Variants in PLN observed in about 807,000 individuals in gnomAD.
PLN encodes the protein cardiac phospholamban.
Under a neutral mutation model 3.9 loss-of-function variants are expected in PLN, and 1 was observed. The observed-to-expected ratio is 0.26, with a 90% CI of 0.09 to 1.23. The LOEUF (loss-of-function observed/expected upper bound fraction) is 1.23, where lower values mean the gene tolerates loss of function less well. Among genes scored for constraint, PLN ranks in the 50% most tolerant of loss-of-function variants. The pLI is 0.48. For synonymous variants in PLN, 21 were observed against 20.5 expected (o/e 1.02, Z -0.07); for missense variants, 59 against 62.7 (o/e 0.94, Z 0.20).
chr6:118,556,625 G>A (rs926923582), intron 1 of PLN, among the ~76,000 whole-genome samples: 1 of 152,106 alleles, frequency 6.6e-6, no homozygotes, highest in Non-Finnish European at 1.5e-5. Context: ...AGGTTGAGAT[G>A]GGCTTTTATG....
chr6:118,556,962 T>C lies in PLN; in HGVS notation c.-97-1863T>C, dbSNP rs556317334. The stretch of plus-strand genomic sequence containing the variant: ...AAAGTATAGGCCCCACAGGCAGCAA[T>C]AGCTTGTGGGATCTCTGAAAGAAGG... On this transcript the variant is annotated intron_variant, in intron 1 of 1. Transcript: ENST00000357525. Among the ~76,000 whole-genome samples, 42 of 152,230 alleles carry C rather than the reference T, an allele frequency of 2.8e-4. No individual in the cohort carries two copies. In the East Asian group the frequency reaches 5.2e-3, roughly 19 times the overall value.
chr6:118,560,975 T>C lies in PLN; in HGVS notation c.*1895T>C, dbSNP rs865832956. On this transcript the variant is annotated 3_prime_UTR_variant, in exon 2 of 2. Transcript: ENST00000357525. ...AGGATGTGTAATTAACCATATCTTC[T>C]AAAACATGGTTACTAAAAGAATATG... Among the ~76,000 whole-genome samples the C allele has an allele frequency of 8.5e-5, 13 of 152,214 alleles. No homozygotes were observed. Among genetic ancestry groups the C allele is most frequent in the African/African-American group, 3.1e-4 (13 of 41,458 alleles).
rs192785931 is a variant in PLN at position 118,560,828 on chromosome 6, T to A, written c.*1748T>A. ...GGAAAATATATTCACCAAACTTTGG[T>A]AATTTAAGTTGACTAAAGTTTAAAA... On this transcript the variant is annotated 3_prime_UTR_variant, in exon 2 of 2. Transcript: ENST00000357525. The A allele has an allele frequency of 2.6e-5, 4 of 153,528 alleles. No individual in the cohort carries two copies. In the Admixed American group the frequency reaches 2.6e-4, roughly 10 times the overall value. 9.5% of individuals were successfully genotyped at this position (153,528 alleles called of 1,614,324 possible).
chr6:118,551,006 C>A (rs976788482), intron 1 of PLN, among the ~76,000 whole-genome samples: 2 of 151,728 alleles, frequency 1.3e-5, no homozygotes, highest in Non-Finnish European at 3.0e-5. Context: ...AAATAACACA[C>A]CCCAATCAAT....
At chr6:118,558,648 C>CAGAGAG (rs1407950940) in intron 1 of PLN, among the ~76,000 whole-genome samples, 177 bp from the exon 2 acceptor site, 17 of 137,256 alleles carry the variant, frequency 1.2e-4, no homozygotes, top group African/African-American at 5.5e-4. Context: ...CACACACACA[C>CAGAGAG]ACACACACAC....
rs1779116084 is a variant in PLN, at chr6:118,559,782, G to C, written c.*702G>C. 1 of 167,684 alleles carries C rather than the reference G, an allele frequency of 6.0e-6. No homozygotes were observed. Among genetic ancestry groups the C allele is most frequent in the Non-Finnish European group, 1.5e-5 (1 of 68,716 alleles). 10.4% of individuals were successfully genotyped at this position (167,684 alleles called of 1,614,324 possible). On this transcript the variant is annotated 3_prime_UTR_variant, in exon 2 of 2. Coordinates refer to ENST00000357525, the MANE Select transcript of PLN (RefSeq NM_002667.5). ...GAATCACAGAATTCTAGTACATGTAGGTAAATCATAAATCTGTTCTAAGAC... is the reference window on the plus strand; with the variant it reads ...GAATCACAGAATTCTAGTACATGTACGTAAATCATAAATCTGTTCTAAGAC...
In PLN at chr6:118,561,561, TCTA is replaced by T. The variant is rs1249241963; in HGVS notation, c.*2485_*2487del. On this transcript the variant is annotated 3_prime_UTR_variant, in exon 2 of 2. Coordinates refer to ENST00000357525, the MANE Select transcript of PLN (RefSeq NM_002667.5). ...TAATATACTAAATGCTCAAATATGTTCTACTATAGAATAAGTTCTTATCTTAAT... is the reference window on the plus strand; with the variant it reads ...TAATATACTAAATGCTCAAATATGTTCTATAGAATAAGTTCTTATCTTAAT... 6.6e-6 allele frequency among the ~76,000 whole-genome samples: 1 copy of T among 152,084 alleles called. No individual in the cohort carries two copies. The highest frequency in any genetic ancestry group is 1.5e-5 in the Non-Finnish European group (1 of 68,002).
Position 118,557,274 on chromosome 6 carries a change from T to A in PLN, c.-97-1551T>A, listed in dbSNP as rs76536762. Reference sequence around the variant, plus strand: ...ATTTGTTGTATGCATTTCCTTTTTATGAGATTGGCTCTGGAGCTATTAATA... The same window carrying A: ...ATTTGTTGTATGCATTTCCTTTTTAAGAGATTGGCTCTGGAGCTATTAATA... On this transcript the variant is annotated intron_variant, in intron 1 of 1. Coordinates refer to ENST00000357525, the MANE Select transcript of PLN (RefSeq NM_002667.5). Among the ~76,000 whole-genome samples the A allele has an allele frequency of 9.9e-3, 1,505 of 152,210 alleles. 36 individuals are homozygous for A. The highest frequency in any genetic ancestry group is 0.034 in the African/African-American group (1,393 of 41,566).
chr6:118,558,776 G>A (rs916123612), intron 1 of PLN, 49 bp from the exon 2 acceptor site: 5 of 693,184 alleles, frequency 7.2e-6, no homozygotes, highest in Admixed American at 2.2e-5. Context: ...TTGTTCTGAG[G>A]ATAGGTTACA....
chr6:118,559,417 A>G lies in PLN; in HGVS notation c.*337A>G, dbSNP rs1779097917. ...TTAAAACTGCACTGCCAACAAGTTC[A>G]CTTCATATATAAAGCATTATTTTTA... On this transcript the variant is annotated 3_prime_UTR_variant, in exon 2 of 2. Transcript: ENST00000357525. 2.9e-6 allele frequency: 1 copy of G among 340,242 alleles called. No individual in the cohort carries two copies. The highest frequency in any genetic ancestry group is 4.7e-5 in the Admixed American group (1 of 21,452). The allele number at this position is 340,242 out of a possible 1,614,324, so 21.1% of individuals were successfully genotyped here.
intron 1 of PLN, among the ~76,000 whole-genome samples, chr6:118,552,680 C>A (rs138168884): frequency 1.1e-3 from 167 of 150,718 alleles, no homozygotes; most frequent in African/African-American, 3.9e-3. Flanking sequence ...TAATTTCCAG[C>A]GTTACTTTTC....
Position 118,558,846 on chromosome 6 carries a change from A to T in PLN, c.-76A>T. On this transcript the variant is annotated 5_prime_UTR_variant, in exon 2 of 2. Transcript: ENST00000357525. ...CCAGGCTACCTAAAAGAAGACAGTT[A>T]TCTCATATTTGGCTGCCAGCTTTTT... 2.2e-6 allele frequency: 2 copies of T among 901,436 alleles called. No individual in the cohort carries two copies. Among genetic ancestry groups the T allele is most frequent in the Non-Finnish European group, 3.7e-6 (2 of 536,034 alleles). The allele number at this position is 901,436 out of a possible 1,614,324, so 55.8% of individuals were successfully genotyped here.
At chr6:118,558,686 GAGGGAGA>G in intron 1 of PLN, 132 bp from the exon 2 acceptor site, 1 of 510,048 alleles carries the variant, frequency 2.0e-6, no homozygotes, top group Non-Finnish European at 3.5e-6. Context: ...GAGAGAGAGA[GAGGGAGA>G]GAGACTATAG....
chr6:118,555,707 A>G (rs1778821859), intron 1 of PLN, among the ~76,000 whole-genome samples: 1 of 152,286 alleles, frequency 6.6e-6, no homozygotes, highest in Admixed American at 6.5e-5. Flanking sequence ...TTACACAGGT[A>G]AACACATGTC....
chr6:118,558,734 G>A (rs996493079), intron 1 of PLN, 91 bp from the exon 2 acceptor site: 2 of 630,982 alleles, frequency 3.2e-6, no homozygotes, highest in African/African-American at 3.7e-5. Flanking sequence ...CAATAGTGCT[G>A]AGGAAGATGA....
At chr6:118,552,504 G>C (rs1013203271) in intron 1 of PLN, among the ~76,000 whole-genome samples, 1 of 151,992 alleles carries the variant, frequency 6.6e-6, no homozygotes, top group African/African-American at 2.4e-5. Context: ...TGCAGACAAA[G>C]TAAGGACTCC....
chr6:118,552,144 T>C (rs1017706761), intron 1 of PLN, among the ~76,000 whole-genome samples: 1 of 152,032 alleles, frequency 6.6e-6, no homozygotes. Context: ...TAGATATTAC[T>C]TGAATTCAAT....
At chr6:118,549,716 T>C (rs1275561746) in intron 1 of PLN, among the ~76,000 whole-genome samples, 2 of 151,916 alleles carry the variant, frequency 1.3e-5, no homozygotes, top group Non-Finnish European at 1.5e-5. Flanking sequence ...ATGTTATTTG[T>C]GCATTTTTAT....
chr6:118,556,945 G>A (rs150854388), intron 1 of PLN, among the ~76,000 whole-genome samples: 15 of 152,040 alleles, frequency 9.9e-5, no homozygotes, highest in African/African-American at 3.6e-4. Context: ...TCAAAGTATA[G>A]GCCCCACAGG....
Sources: gnomAD v4.1 joint callset for allele counts (sites outside exome capture counted in the v4.1 genomes callset) on GRCh38, gnomAD v4.1.1 for gene constraint, MANE v1.5 for transcripts, NCBI Gene and HGNC (gene_info 2026-07-23, HGNC 2026-07-21) for gene names.